The following PCDHA10 variants were observed in gnomAD, a reference collection of about 807,000 sequenced individuals.
PCDHA10 encodes protocadherin alpha-10.
PCDHA10 carries 45 observed loss-of-function variants against 61.2 expected under a neutral mutation model. That is an observed-to-expected ratio of 0.74 (90% CI 0.58 to 0.94). The LOEUF is 0.94. PCDHA10 is among the 40% of genes least tolerant of loss of function. The probability of loss-of-function intolerance (pLI) is 0.00; values close to 1 mark genes in which losing one functional copy is unlikely to be tolerated. For missense variants in PCDHA10, 1,278 were observed against 1,236.2 expected (o/e 1.03, Z -0.51); for synonymous variants, 602 against 548.8 (o/e 1.10, Z -1.35).
chr5:140,976,354 C>A (rs1331334402), intron 1 of PCDHA10, among the ~76,000 whole-genome samples: 2 of 151,960 alleles, frequency 1.3e-5, no homozygotes, highest in Non-Finnish European at 2.9e-5. Context: ...TGTTCAAGAC[C>A]AGCCTGGCCA....
chr5:140,975,380 G>A (rs1554236775), intron 1 of PCDHA10, among the ~76,000 whole-genome samples: 2 of 152,220 alleles, frequency 1.3e-5, no homozygotes, highest in African/African-American at 4.8e-5. Flanking sequence ...GTAATCATGG[G>A]AATAAGATCC....
At chr5:140,882,947 C>G in intron 1 of PCDHA10, 1 of 1,614,162 alleles carries the variant, frequency 6.2e-7, no homozygotes, top group Non-Finnish European at 8.5e-7. Context: ...TGGCACAGTT[C>G]AGCTGCTCAT....
At chr5:140,967,792 A>C (rs371669028) in intron 1 of PCDHA10, 5 of 1,614,212 alleles carry the variant, frequency 3.1e-6, no homozygotes, top group Non-Finnish European at 4.2e-6. Flanking sequence ...ACCGGGGTCC[A>C]GTGCCCATGG....
At chr5:140,928,592 T>A in intron 1 of PCDHA10, 1 of 1,614,178 alleles carries the variant, frequency 6.2e-7, no homozygotes, top group Non-Finnish European at 8.5e-7. Flanking sequence ...TCTGTCCCAG[T>A]GGAAATTGTG....
At chr5:140,978,240 C>T (rs1290697340) in intron 1 of PCDHA10, among the ~76,000 whole-genome samples, 3 of 152,174 alleles carry the variant, frequency 2.0e-5, no homozygotes, top group African/African-American at 7.2e-5. Context: ...TGGATTTCAG[C>T]TACTCCCTGT....
At chr5:140,869,920 G>A (rs1554163605) in intron 1 of PCDHA10, 2 of 1,611,398 alleles carry the variant, frequency 1.2e-6, no homozygotes, top group Non-Finnish European at 1.7e-6. Flanking sequence ...AGACGAAGGA[G>A]TCAATGGAGA....
rs782096178 is a variant in PCDHA10 at position 140,876,689 on chromosome 5, CGTT to C, written c.2388+18255_2388+18257del. The C allele has an allele frequency of 6.2e-6, 10 of 1,614,110 alleles. No homozygotes were observed. The East Asian group carries it at 1.6e-4, about 25-fold the overall frequency. On this transcript the variant is annotated intron_variant, in intron 1 of 3. Coordinates refer to ENST00000307360, the MANE Select transcript of PCDHA10 (RefSeq NM_018901.4). ...GTGTCCACCTACAAGAATTACTACT[CGTT>C]GGTGCTGGACAGCGCCCTGGACCGC...
chr5:140,922,358 A>T (rs1273986507), intron 1 of PCDHA10, among the ~76,000 whole-genome samples: 2 of 152,212 alleles, frequency 1.3e-5, no homozygotes, highest in African/African-American at 4.8e-5. Flanking sequence ...TAGAGTAGTG[A>T]TTCTCACTGA....
At chr5:140,959,570 T>C (rs1324858058) in intron 1 of PCDHA10, among the ~76,000 whole-genome samples, 1 of 152,184 alleles carries the variant, frequency 6.6e-6, no homozygotes. Context: ...ACTAGATTTT[T>C]TGTTTCAATT....
At chr5:140,871,528 T>C (rs373016617) in intron 1 of PCDHA10, 418 of 1,530,484 alleles carry the variant, frequency 2.7e-4, no homozygotes, top group Non-Finnish European at 3.4e-4. Flanking sequence ...TATCAGGAAG[T>C]GTATGTGAAA....
At chr5:140,966,885 C>G in intron 1 of PCDHA10, 1 of 1,590,818 alleles carries the variant, frequency 6.3e-7, no homozygotes, top group Non-Finnish European at 8.5e-7. Flanking sequence ...CCTGGCCCTG[C>G]GGCCTCCCAG....
intron 1 of PCDHA10, among the ~76,000 whole-genome samples, chr5:140,925,065 G>C (rs782540022): frequency 2.0e-5 from 3 of 151,188 alleles, no homozygotes; most frequent in Non-Finnish European, 4.4e-5. Flanking sequence ...GGGCAACAAA[G>C]CAACACGCTC....
At chr5:140,944,439 G>A (rs1022400391) in intron 1 of PCDHA10, among the ~76,000 whole-genome samples, 7 of 152,022 alleles carry the variant, frequency 4.6e-5, no homozygotes, top group African/African-American at 1.2e-4. Context: ...TGCCTGCCTC[G>A]GCCTCCCAAA....
chr5:141,010,499 T>C lies in PCDHA10; in HGVS notation c.*562T>C. ...GTGTAAACTTAAAGGGACCAGACTTTCTAAATCTTACAACTCAAGAGGTGG... is the reference window on the plus strand; with the variant it reads ...GTGTAAACTTAAAGGGACCAGACTTCCTAAATCTTACAACTCAAGAGGTGG... On this transcript the variant is annotated 3_prime_UTR_variant, in exon 4 of 4. Coordinates refer to ENST00000307360, the MANE Select transcript of PCDHA10 (RefSeq NM_018901.4). 1.7e-6 allele frequency: 1 copy of C among 586,170 alleles called. No individual in the cohort carries two copies. Among genetic ancestry groups the C allele is most frequent in the Non-Finnish European group, 2.7e-6 (1 of 372,458 alleles). 36.3% of individuals were successfully genotyped at this position (586,170 alleles called of 1,614,324 possible).
At position 140,858,426 on chromosome 5, in the gene PCDHA10, A is replaced by T; in HGVS notation, c.2378A>T (p.His793Leu). Residue 793 changes from histidine to leucine, a missense_variant, in exon 1 of 4, where the codon CAC becomes CTC. By Grantham distance (99) the His-to-Leu change is moderately conservative (BLOSUM62 -3). Transcript: ENST00000307360. ...DGEDQSIGGD[H>L]SRKPRQPNPD... ...GAAGATCAGTCTATTGGAGGGGACC[A>T]CTCTAGGAAGGTGGGTTATTACGTT... The T allele has an allele frequency of 5.8e-6, 9 of 1,551,394 alleles. No homozygotes were observed. The highest frequency in any genetic ancestry group is 7.9e-6 in the Non-Finnish European group (9 of 1,140,196).
intron 1 of PCDHA10, among the ~76,000 whole-genome samples, chr5:140,921,330 C>T (rs1285696901): frequency 6.6e-6 from 1 of 152,026 alleles, no homozygotes; most frequent in Non-Finnish European, 1.5e-5. Flanking sequence ...TCTGTCTGGT[C>T]CAATCACATA....
chr5:140,927,086 A>G (rs2083826085), intron 1 of PCDHA10: 5 of 1,612,296 alleles, frequency 3.1e-6, no homozygotes, highest in Non-Finnish European at 3.4e-6. Context: ...CGCGAGCTCT[A>G]CTTCGGGGTG....
rs78257345 is a variant in PCDHA10 at position 140,892,116 on chromosome 5, T to C, written c.2388+33680T>C. Among the ~76,000 whole-genome samples the C allele has an allele frequency of 8.0e-3, 1,216 of 152,346 alleles. 6 individuals are homozygous for C. The highest frequency in any genetic ancestry group is 0.019 in the African/African-American group (786 of 41,576). On this transcript the variant is annotated intron_variant, in intron 1 of 3. Transcript: ENST00000307360. ...AACTTTCAAGCTTGGCATTTATATCTGGAACACAATAAGCTCATGGTTTTA... is the reference window on the plus strand; with the variant it reads ...AACTTTCAAGCTTGGCATTTATATCCGGAACACAATAAGCTCATGGTTTTA...
chr5:140,871,588 T>C, intron 1 of PCDHA10: 1 of 1,463,366 alleles, frequency 6.8e-7, no homozygotes, highest in Non-Finnish European at 9.1e-7. Context: ...GAAAGTTTTA[T>C]GAATAACCAG....
Sources: gnomAD v4.1 joint callset for allele counts (sites outside exome capture counted in the v4.1 genomes callset) on GRCh38, gnomAD v4.1.1 for gene constraint, MANE v1.5 for transcripts, NCBI Gene and HGNC (gene_info 2026-07-23, HGNC 2026-07-21) for gene names.